Variants in PLEKHA6 observed in about 807,000 individuals in gnomAD.
The protein encoded by PLEKHA6 is pleckstrin homology domain containing A6, also known as pleckstrin homology domain-containing family A member 6.
In PLEKHA6, 60 loss-of-function variants were observed where a neutral mutation model predicts 116.7. That is an observed-to-expected ratio of 0.51 (90% CI 0.42 to 0.64). The LOEUF is 0.64. Among genes scored for constraint, PLEKHA6 ranks in the 30% least tolerant of loss-of-function variants. The probability of loss-of-function intolerance (pLI) is 0.00; values close to 1 mark genes in which losing one functional copy is unlikely to be tolerated. For synonymous variants in PLEKHA6, 489 were observed against 556.1 expected (o/e 0.88, Z 1.70); for missense variants, 1,338 against 1,422.7 (o/e 0.94, Z 0.96).
chr1:204,375,734 G>A lies in PLEKHA6; in HGVS notation c.83+1849C>T, dbSNP rs552232764. ...CCCATCACCTATAGGATGGAGTCCC[G>A]ACCCCTTAGCTTAGCACATAAGGGC... is the stretch of plus-strand genomic sequence containing the variant. On this transcript the variant is annotated intron_variant, in intron 1 of 4. Coordinates refer to the PLEKHA6 transcript ENST00000564627. 9.9e-5 allele frequency among the ~76,000 whole-genome samples: 15 copies of A among 151,786 alleles called. No individual in the cohort carries two copies. In the South Asian group the frequency reaches 1.0e-3, roughly 11 times the overall value.
At chr1:204,320,726 C>T (rs549630205) in intron 1 of PLEKHA6, among the ~76,000 whole-genome samples, 2 of 152,330 alleles carry the variant, frequency 1.3e-5, no homozygotes, top group East Asian at 3.9e-4. Context: ...CTGTGGAGAC[C>T]TCCTGTACGC....
chr1:204,297,020 C>T, intron 1 of PLEKHA6: 1 of 676,140 alleles, frequency 1.5e-6, no homozygotes, highest in Non-Finnish European at 1.8e-6. Context: ...ACCACCATAA[C>T]CAGAGAGCCA....
In PLEKHA6 at chr1:204,238,154, G is replaced by T. The variant is rs1662323280; in HGVS notation, c.2409+3221C>A. ...GGCCCATTTATCAAGTGACCTGAAA[G>T]GCTGCCAATTTTGAGTGGGGTCCAG... On this transcript the variant is annotated intron_variant, in intron 17 of 22. Transcript: ENST00000272203. The surrounding 1 kb of genome is among the most constrained non-coding windows in gnomAD (Gnocchi z 4.2). Among the ~76,000 whole-genome samples, 1 of 152,192 alleles carries T rather than the reference G, an allele frequency of 6.6e-6. No individual in the cohort carries two copies.
chr1:204,304,259 C>T (rs1344903687), intron 1 of PLEKHA6, among the ~76,000 whole-genome samples: 1 of 152,186 alleles, frequency 6.6e-6, no homozygotes, highest in South Asian at 2.1e-4. Flanking sequence ...CCCTGCTATT[C>T]AGGACAAAGG....
rs1374834172 is a variant in PLEKHA6, at chr1:204,328,404, T to C, written c.-95+31290A>G. 7.1e-4 allele frequency among the ~76,000 whole-genome samples: 106 copies of C among 148,928 alleles called. 3 individuals are homozygous for C. Among genetic ancestry groups the C allele is most frequent in the Admixed American group, 6.0e-3 (90 of 15,042 alleles). ...ACCCACAGTCAATTTTCTTTCTTTTTTTTTTTTTTTAGACAGAGTTTCGCT... is the reference window on the plus strand; with the variant it reads ...ACCCACAGTCAATTTTCTTTCTTTTCTTTTTTTTTTAGACAGAGTTTCGCT... On this transcript the variant is annotated intron_variant, in intron 1 of 22. Transcript: ENST00000272203.
chr1:204,317,520 C>T (rs1026949678), intron 1 of PLEKHA6, among the ~76,000 whole-genome samples: 3 of 152,050 alleles, frequency 2.0e-5, no homozygotes, highest in Admixed American at 6.5e-5. Flanking sequence ...CATCTCAGAG[C>T]CCCACCAACA....
rs1259519892 is a variant in PLEKHA6, at chr1:204,358,131, T to A, written c.-95+1563A>T. Among the ~76,000 whole-genome samples, 4 of 152,180 alleles carry A rather than the reference T, an allele frequency of 2.6e-5. No individual in the cohort carries two copies. In the South Asian group the frequency reaches 8.3e-4, roughly 31 times the overall value. The stretch of plus-strand genomic sequence containing the variant: ...CCTGCCAGGATTAATTACACACCAG[T>A]GCTAACACATTTATCACCTCGCCGC... On this transcript the variant is annotated intron_variant, in intron 1 of 22. Coordinates refer to ENST00000272203, the MANE Select transcript of PLEKHA6 (RefSeq NM_014935.5).
At chr1:204,229,197 G>C (rs111847036) in intron 18 of PLEKHA6, 93 bp from the exon 19 acceptor site, 2 of 1,217,794 alleles carry the variant, frequency 1.6e-6, no homozygotes, top group Admixed American at 3.9e-5. Flanking sequence ...TTCCCAGCTC[G>C]CCTGATCTAG....
intron 6 of PLEKHA6, among the ~76,000 whole-genome samples, chr1:204,263,527 G>C (rs1006670004): frequency 1.3e-5 from 2 of 152,144 alleles, no homozygotes; most frequent in African/African-American, 4.8e-5. Flanking sequence ...ACAGCCCTCA[G>C]AGTCAGGTTT....
chr1:204,326,889 T>G (rs1179458810), intron 1 of PLEKHA6: 1 of 671,656 alleles, frequency 1.5e-6, no homozygotes, highest in Non-Finnish European at 1.8e-6. Flanking sequence ...CTCCTTCCTA[T>G]ATGATCCAAA....
chr1:204,231,612 A>AGCTGGAGT (rs1304892908), intron 17 of PLEKHA6, among the ~76,000 whole-genome samples: 1 of 141,170 alleles, frequency 7.1e-6, no homozygotes, highest in African/African-American at 2.7e-5. Context: ...CTGTCACTCC[A>AGCTGGAGT]GCTGGAGTGC....
At chr1:204,229,486 T>A (rs1660859886) in intron 18 of PLEKHA6, among the ~76,000 whole-genome samples, 1 of 152,238 alleles carries the variant, frequency 6.6e-6, no homozygotes, top group Non-Finnish European at 1.5e-5. Flanking sequence ...GAATCATAGC[T>A]CACTGCAGTC....
chr1:204,376,653 G>C (rs1448707493), intron 1 of PLEKHA6, among the ~76,000 whole-genome samples: 1 of 152,218 alleles, frequency 6.6e-6, no homozygotes, highest in Non-Finnish European at 1.5e-5. Flanking sequence ...CTGAGTCCCA[G>C]CTCTGATTAA....
At chr1:204,358,603 C>T (rs952883272) in intron 1 of PLEKHA6, among the ~76,000 whole-genome samples, 2 of 152,180 alleles carry the variant, frequency 1.3e-5, no homozygotes, top group African/African-American at 4.8e-5. Flanking sequence ...CAGCAGAGTG[C>T]ACCACTCAAG....
rs1659490066 is a variant in PLEKHA6, at chr1:204,220,063, G to A, written c.*2725C>T. 1 of 152,258 alleles carries A rather than the reference G, an allele frequency of 6.6e-6. No homozygotes were observed. The highest frequency in any genetic ancestry group is 1.5e-5 in the Non-Finnish European group (1 of 68,066). The allele number at this position is 152,258 out of a possible 1,614,324, so 9.4% of individuals were successfully genotyped here. The stretch of plus-strand genomic sequence containing the variant: ...GGAACTTGTATGTGTCTGTGCTACA[G>A]GGCCAGGGATGGCCCAGAGGATCCC... On this transcript the variant is annotated 3_prime_UTR_variant, in exon 23 of 23. Coordinates refer to ENST00000272203, the MANE Select transcript of PLEKHA6 (RefSeq NM_014935.5).
intron 1 of PLEKHA6, chr1:204,299,601 A>G (rs1670619398): frequency 2.0e-6 from 2 of 982,686 alleles, no homozygotes; most frequent in Admixed American, 6.1e-5. Flanking sequence ...TATTGAGGGG[A>G]GAAAACATCT....
intron 3 of PLEKHA6, among the ~76,000 whole-genome samples, chr1:204,365,156 G>A (rs561874750): frequency 6.6e-6 from 1 of 152,090 alleles, no homozygotes; most frequent in Admixed American, 6.5e-5. Flanking sequence ...AGTGTGGGAG[G>A]TGAGGCTGGG....
chr1:204,272,680 C>A (rs1667591605), intron 3 of PLEKHA6, among the ~76,000 whole-genome samples: 1 of 152,204 alleles, frequency 6.6e-6, no homozygotes, highest in Non-Finnish European at 1.5e-5. Context: ...CAAAATTAGT[C>A]TTCCTGTCCA....
At chr1:204,367,921 C>G (rs886255014) in intron 2 of PLEKHA6, 7 of 152,260 alleles carry the variant, frequency 4.6e-5, no homozygotes, top group Non-Finnish European at 1.0e-4. Flanking sequence ...TCTCTTCCCA[C>G]AAACCCCACC....
Sources: gnomAD v4.1 joint callset for allele counts (sites outside exome capture counted in the v4.1 genomes callset) on GRCh38, gnomAD v4.1.1 for gene constraint, Gnocchi (gnomAD v3.1) non-coding constraint, MANE v1.5 for transcripts, NCBI Gene and HGNC (gene_info 2026-07-23, HGNC 2026-07-21) for gene names.